Variants in RNF150 observed in about 807,000 individuals in gnomAD.
The protein encoded by RNF150 is ring finger protein 150.
RNF150 carries 24 observed loss-of-function variants against 39.3 expected under a neutral mutation model. The ratio of observed to expected loss-of-function variants is 0.61; its 90% CI spans 0.44 to 0.86. The LOEUF (loss-of-function observed/expected upper bound fraction) is 0.86. Among genes scored for constraint, RNF150 ranks in the 40% least tolerant of loss-of-function variants. The pLI, the probability that RNF150 is intolerant of heterozygous loss-of-function variation, is 0.00. For synonymous variants in RNF150, 255 were observed against 227.3 expected, an observed-to-expected ratio of 1.12 and a Z score of -1.10; for missense variants, 502 against 587.8, an observed-to-expected ratio of 0.85 and a Z score of 1.51.
At chr4:140,890,032 C>A (rs1729704804) in intron 6 of RNF150, among the ~76,000 whole-genome samples, 1 of 152,148 alleles carries the variant, frequency 6.6e-6, no homozygotes, top group South Asian at 2.1e-4. Flanking sequence ...ACATTAGCTC[C>A]TTTTGTGTCT....
intron 5 of RNF150, among the ~76,000 whole-genome samples, chr4:140,916,029 C>A (rs1013443554): frequency 2.0e-5 from 3 of 152,096 alleles, no homozygotes; most frequent in Non-Finnish European, 2.9e-5. Context: ...GACATCCACA[C>A]CAAAAACCCA....
chr4:141,186,380 A>G (rs890679415), intron 1 of RNF150, among the ~76,000 whole-genome samples: 2 of 151,420 alleles, frequency 1.3e-5, no homozygotes, highest in African/African-American at 4.8e-5. Context: ...GGTGATATCC[A>G]CTTTATCCTT....
At chr4:140,910,730 T>G (rs569973753) in intron 6 of RNF150, among the ~76,000 whole-genome samples, 1 of 152,208 alleles carries the variant, frequency 6.6e-6, no homozygotes, top group Non-Finnish European at 1.5e-5. Flanking sequence ...TGTACACACA[T>G]GCGAGCATGC....
chr4:141,174,373 C>A (rs1233786945), intron 1 of RNF150, among the ~76,000 whole-genome samples: 3 of 152,082 alleles, frequency 2.0e-5, no homozygotes, highest in Non-Finnish European at 4.4e-5. Context: ...ACACAGAGGC[C>A]CAAGTGTTAA....
At chr4:140,927,489 G>A (rs1026522172) in intron 4 of RNF150, among the ~76,000 whole-genome samples, 1 of 151,986 alleles carries the variant, frequency 6.6e-6, no homozygotes, top group African/African-American at 2.4e-5. Flanking sequence ...TCCCCACCCC[G>A]CTTCCTTCTG....
At chr4:141,068,858 T>C (rs1737568189) in intron 1 of RNF150, among the ~76,000 whole-genome samples, 1 of 129,114 alleles carries the variant, frequency 7.7e-6, no homozygotes, top group Non-Finnish European at 1.7e-5. Flanking sequence ...TGGCTCTCTG[T>C]TTGTCTGTTG....
At chr4:140,986,049 T>C (rs1434647222) in intron 1 of RNF150, among the ~76,000 whole-genome samples, 1 of 152,094 alleles carries the variant, frequency 6.6e-6, no homozygotes, top group Non-Finnish European at 1.5e-5. Flanking sequence ...GCAGCCAAGC[T>C]TAAAAGCAAA....
intron 1 of RNF150, among the ~76,000 whole-genome samples, chr4:141,106,063 A>G (rs995036243): frequency 1.3e-5 from 2 of 152,148 alleles, no homozygotes; most frequent in African/African-American, 4.8e-5. Context: ...CAATCAAATA[A>G]ACTGTTTCCT....
intron 1 of RNF150, among the ~76,000 whole-genome samples, chr4:141,103,790 T>C (rs917053590): frequency 2.0e-5 from 3 of 152,164 alleles, no homozygotes; most frequent in Admixed American, 2.0e-4. Flanking sequence ...TATATTTAAA[T>C]TGATCGATTT....
intron 1 of RNF150, among the ~76,000 whole-genome samples, chr4:140,991,131 A>G (rs185036189): frequency 6.6e-6 from 1 of 152,130 alleles, no homozygotes; most frequent in African/African-American, 2.4e-5. Flanking sequence ...TTTGTTGACC[A>G]CATGTATGTC....
intron 1 of RNF150, among the ~76,000 whole-genome samples, chr4:141,085,305 GTCCC>G (rs1411354774): frequency 6.6e-6 from 1 of 152,144 alleles, no homozygotes; most frequent in Non-Finnish European, 1.5e-5. Flanking sequence ...CTCCCACCAG[GTCCC>G]TCCCACGACA....
intron 1 of RNF150, among the ~76,000 whole-genome samples, chr4:141,071,549 G>T (rs988565197): frequency 6.6e-5 from 10 of 151,902 alleles, no homozygotes; most frequent in Admixed American, 1.3e-4. Context: ...ATTTGTTGCT[G>T]GAAAAAACGT....
intron 1 of RNF150, among the ~76,000 whole-genome samples, chr4:141,193,402 G>A (rs747505523): frequency 6.6e-6 from 1 of 152,154 alleles, no homozygotes; most frequent in Non-Finnish European, 1.5e-5. Context: ...GTCTCTCTGC[G>A]TGAGATTCTC....
intron 6 of RNF150, among the ~76,000 whole-genome samples, chr4:140,898,858 G>A (rs185496226): frequency 6.6e-6 from 1 of 152,256 alleles, no homozygotes; most frequent in East Asian, 1.9e-4. Flanking sequence ...TGCACAGCAG[G>A]AGTGTAAGTG....
At chr4:141,035,972 G>C (rs1224153526) in intron 1 of RNF150, among the ~76,000 whole-genome samples, 1 of 151,824 alleles carries the variant, frequency 6.6e-6, no homozygotes, top group Non-Finnish European at 1.5e-5. Flanking sequence ...CATCTTAAAA[G>C]ATATAAAAGA....
At chr4:141,144,345 T>A (rs1413018443) in intron 1 of RNF150, among the ~76,000 whole-genome samples, 4 of 152,234 alleles carry the variant, frequency 2.6e-5, no homozygotes, top group African/African-American at 9.6e-5. Flanking sequence ...AGCTTTCCAA[T>A]CTTCTTGCCA....
intron 1 of RNF150, among the ~76,000 whole-genome samples, chr4:141,057,287 T>C (rs2110908356): frequency 6.6e-6 from 1 of 151,966 alleles, no homozygotes; most frequent in East Asian, 1.9e-4. Flanking sequence ...CTAAATTATA[T>C]TTTACATAAT....
chr4:140,939,895 T>C (rs963312298), intron 4 of RNF150, among the ~76,000 whole-genome samples: 6 of 152,228 alleles, frequency 3.9e-5, no homozygotes, highest in African/African-American at 1.4e-4. Context: ...TGAATCTCTG[T>C]TGAATATGTC....
intron 1 of RNF150, among the ~76,000 whole-genome samples, chr4:141,052,519 G>T (rs1225051371): frequency 6.6e-6 from 1 of 152,000 alleles, no homozygotes; most frequent in Non-Finnish European, 1.5e-5. Context: ...AGGACTATAG[G>T]CATGCGCCAC....
Sources: allele counts gnomAD v4.1 joint callset (sites outside exome capture counted in the v4.1 genomes callset), GRCh38; gene constraint gnomAD v4.1.1; transcripts MANE v1.5; gene names NCBI Gene and HGNC (gene_info 2026-07-23, HGNC 2026-07-21).